The following RABGAP1L variants were observed in gnomAD, a reference collection of about 807,000 sequenced individuals.
RABGAP1L encodes RAB GTPase activating protein 1 like.
RABGAP1L carries 63 observed loss-of-function variants against 137.7 expected under a neutral mutation model. The observed-to-expected ratio is 0.46, with a 90% CI of 0.37 to 0.56. The LOEUF is 0.56. Among genes scored for constraint, RABGAP1L ranks in the 20% least tolerant of loss-of-function variants. The pLI, the probability that RABGAP1L is intolerant of heterozygous loss-of-function variation, is 0.00. For synonymous variants in RABGAP1L, 431 were observed against 433.7 expected (o/e 0.99, Z 0.08); for missense variants, 1,095 against 1,244.0 (o/e 0.88, Z 1.80).
intron 21 of RABGAP1L, among the ~76,000 whole-genome samples, chr1:174,970,386 T>G (rs1270657544): frequency 6.6e-6 from 1 of 152,254 alleles, no homozygotes; most frequent in Non-Finnish European, 1.5e-5. Flanking sequence ...TTTGAATCTT[T>G]TATCCATTAA....
At position 174,394,100 on chromosome 1, in the gene RABGAP1L, T is replaced by G; in HGVS notation, c.1665T>G (p.His555Gln). The change falls in exon 13 of 26, where the codon CAT becomes CAG. Residue 555 changes from histidine (H) to glutamine (Q), a missense_variant. Physicochemically the swap from His to Gln is conservative, Grantham distance 24. This residue lies in a region of RABGAP1L where 315 missense variants were observed against 324.8 expected (regional missense o/e 0.97). Coordinates refer to ENST00000681986, the MANE Select transcript of RABGAP1L (RefSeq NM_001366446.1). ...AEVWQLLAGC[H>Q]DNQAMLDRYR... Reference sequence around the variant, plus strand: ...TATGGCAGTTATTGGCAGGCTGCCATGACAACCAGGCAATGCTGGATAGAT... The same window carrying G: ...TATGGCAGTTATTGGCAGGCTGCCAGGACAACCAGGCAATGCTGGATAGAT... 6.2e-7 allele frequency: 1 copy of G among 1,613,854 alleles called. No individual in the cohort carries two copies. The highest frequency in any genetic ancestry group is 8.5e-7 in the Non-Finnish European group (1 of 1,179,806).
At chr1:174,985,294 G>A (rs1465806047) in intron 24 of RABGAP1L, among the ~76,000 whole-genome samples, 1 of 152,214 alleles carries the variant, frequency 6.6e-6, no homozygotes, top group Non-Finnish European at 1.5e-5. Context: ...TCAGGAGGCT[G>A]AAGTGGGAGG....
At chr1:174,713,335 G>A (rs1441010713) in intron 17 of RABGAP1L, among the ~76,000 whole-genome samples, 1 of 152,092 alleles carries the variant, frequency 6.6e-6, no homozygotes, top group African/African-American at 2.4e-5. Context: ...GAGAATATTT[G>A]AAAAATATTA....
In RABGAP1L at chr1:174,274,231, A is replaced by T. The variant is rs76696506; in HGVS notation, c.1054-1602A>T. Among the ~76,000 whole-genome samples the T allele has an allele frequency of 3.9e-5, 6 of 152,260 alleles. No individual in the cohort carries two copies. The East Asian group carries it at 1.2e-3, about 29-fold the overall frequency. ...TCCCAAATATCATGTGATCCTCATG[A>T]CAGGAAAGTCCTATTTATAAATGAA... On this transcript the variant is annotated intron_variant, in intron 8 of 25. Transcript: ENST00000681986.
At chr1:174,865,258 T>C (rs1651004853) in intron 19 of RABGAP1L, among the ~76,000 whole-genome samples, 2 of 152,154 alleles carry the variant, frequency 1.3e-5, no homozygotes, top group Admixed American at 6.5e-5. Context: ...AGGGGATTAT[T>C]TGAACCCAGG....
intron 19 of RABGAP1L, among the ~76,000 whole-genome samples, chr1:174,910,303 G>A (rs955090438): frequency 2.0e-5 from 3 of 152,130 alleles, no homozygotes; most frequent in Non-Finnish European, 2.9e-5. Flanking sequence ...TTCAATAGAT[G>A]CCAAAAAAGC....
intron 19 of RABGAP1L, among the ~76,000 whole-genome samples, chr1:174,824,820 T>A (rs932054121): frequency 1.3e-5 from 2 of 152,180 alleles, no homozygotes; most frequent in Admixed American, 6.5e-5. Flanking sequence ...AAAAAAATTT[T>A]TTTTTTGAAA....
intron 14 of RABGAP1L, among the ~76,000 whole-genome samples, chr1:174,638,257 T>G (rs1264668317): frequency 2.0e-5 from 3 of 152,238 alleles, no homozygotes; most frequent in Non-Finnish European, 4.4e-5. Context: ...AGTTCCTGAA[T>G]AATCCAATTT....
At chr1:174,386,554 C>G (rs1686799312) in intron 12 of RABGAP1L, among the ~76,000 whole-genome samples, 2 of 151,432 alleles carry the variant, frequency 1.3e-5, no homozygotes, top group Non-Finnish European at 2.9e-5. Flanking sequence ...GTTGCCCAGG[C>G]TGGAGTGCAA....
chr1:174,273,811 C>T (rs991023797), intron 8 of RABGAP1L, among the ~76,000 whole-genome samples: 1 of 152,244 alleles, frequency 6.6e-6, no homozygotes, highest in Non-Finnish European at 1.5e-5. Flanking sequence ...GAGGCCCCTT[C>T]ACTATGTCTC....
At chr1:174,506,531 A>G (rs769472992) in intron 13 of RABGAP1L, among the ~76,000 whole-genome samples, 1 of 152,234 alleles carries the variant, frequency 6.6e-6, no homozygotes, top group Non-Finnish European at 1.5e-5. Flanking sequence ...TTGACAAGAA[A>G]TGAAGAAAAC....
chr1:174,695,117 AGGTTGC>A (rs1437456716), intron 15 of RABGAP1L, among the ~76,000 whole-genome samples: 1 of 152,152 alleles, frequency 6.6e-6, no homozygotes, highest in African/African-American at 2.4e-5. Context: ...TCAGATGAGT[AGGTTGC>A]GAAAATTTTC....
intron 12 of RABGAP1L, among the ~76,000 whole-genome samples, chr1:174,375,325 AAAG>A (rs1243284425): frequency 2.0e-5 from 3 of 151,954 alleles, no homozygotes; most frequent in African/African-American, 4.8e-5. Context: ...TACTAGGAAA[AAAG>A]AGAAAAACCC....
chr1:174,261,878 A>G (rs974173764), intron 7 of RABGAP1L, among the ~76,000 whole-genome samples: 1 of 152,184 alleles, frequency 6.6e-6, no homozygotes, highest in Non-Finnish European at 1.5e-5. Flanking sequence ...CAAAATAAAG[A>G]ATTTTAGATG....
intron 14 of RABGAP1L, among the ~76,000 whole-genome samples, chr1:174,669,028 G>C (rs1394334722): frequency 6.6e-6 from 1 of 151,956 alleles, no homozygotes; most frequent in Non-Finnish European, 1.5e-5. Context: ...TTATTAGTTC[G>C]TTTTCACACT....
chr1:174,643,819 A>T (rs1674718246), intron 14 of RABGAP1L, among the ~76,000 whole-genome samples: 1 of 151,924 alleles, frequency 6.6e-6, no homozygotes, highest in Non-Finnish European at 1.5e-5. Flanking sequence ...TATTGCCAAG[A>T]ACAATTATGT....
At chr1:174,314,313 A>G (rs938095348) in intron 11 of RABGAP1L, among the ~76,000 whole-genome samples, 1 of 152,092 alleles carries the variant, frequency 6.6e-6, no homozygotes, top group African/African-American at 2.4e-5. Flanking sequence ...GCGCATAGTA[A>G]CCACTGATGA....
intron 14 of RABGAP1L, among the ~76,000 whole-genome samples, chr1:174,682,232 G>A (rs192066484): frequency 9.2e-4 from 140 of 151,724 alleles, no homozygotes; most frequent in African/African-American, 3.1e-3. Flanking sequence ...AGTGAGCTGA[G>A]ATCGTGCCAT....
At chr1:174,979,450 A>G (rs1670915925) in intron 23 of RABGAP1L, among the ~76,000 whole-genome samples, 1 of 152,232 alleles carries the variant, frequency 6.6e-6, no homozygotes, top group South Asian at 2.1e-4. Flanking sequence ...AGGAATAGAA[A>G]AACCTTTTGA....
Sources: allele counts gnomAD v4.1 joint callset (sites outside exome capture counted in the v4.1 genomes callset), GRCh38; gene constraint gnomAD v4.1.1; regional missense constraint gnomAD v4.1.1; transcripts MANE v1.5; gene names NCBI Gene and HGNC (gene_info 2026-07-23, HGNC 2026-07-21).